Variants in XPR1 observed in about 807,000 individuals in gnomAD.
XPR1 encodes solute carrier family 53 member 1.
XPR1 carries 28 observed loss-of-function variants against 87.5 expected under a neutral mutation model. The observed-to-expected ratio is 0.32, with a 90% CI of 0.24 to 0.44. The LOEUF is 0.44. Among genes scored for constraint, XPR1 ranks in the 20% least tolerant of loss-of-function variants. XPR1 has a pLI of 1.00. For missense variants in XPR1, 559 were observed against 862.3 expected (o/e 0.65, Z 4.41); for synonymous variants, 300 against 306.1 (o/e 0.98, Z 0.21).
intron 2 of XPR1, among the ~76,000 whole-genome samples, chr1:180,757,220 A>G (rs1647782460): frequency 6.6e-6 from 1 of 152,240 alleles, no homozygotes; most frequent in South Asian, 2.1e-4. Context: ...AACAATAAGT[A>G]AGAAAGTATG....
At chr1:180,748,624 G>A (rs562161886) in intron 2 of XPR1, among the ~76,000 whole-genome samples, 345 of 151,784 alleles carry the variant, frequency 2.3e-3, no homozygotes, top group Non-Finnish European at 4.3e-3. Flanking sequence ...CTCCATGTTG[G>A]TCAGGCTGGC....
chr1:180,825,024 C>A, intron 8 of XPR1, 81 bp downstream of exon 8: 1 of 1,506,786 alleles, frequency 6.6e-7, no homozygotes, highest in South Asian at 1.3e-5. Flanking sequence ...GTACTTAAAT[C>A]CATCCTCTAC....
At chr1:180,853,430 A>G (rs1361048244) in intron 11 of XPR1, among the ~76,000 whole-genome samples, 1 of 151,716 alleles carries the variant, frequency 6.6e-6, no homozygotes, top group Non-Finnish European at 1.5e-5. Context: ...CTTTGGTGAG[A>G]CTGTTTCTTT....
At chr1:180,760,231 C>G (rs1647958109) in intron 2 of XPR1, among the ~76,000 whole-genome samples, 1 of 152,146 alleles carries the variant, frequency 6.6e-6, no homozygotes, top group Admixed American at 6.5e-5. Context: ...TCTTACCGCT[C>G]CTATTCAACA....
chr1:180,633,448 A>G (rs537561945), intron 1 of XPR1, among the ~76,000 whole-genome samples: 3 of 152,360 alleles, frequency 2.0e-5, no homozygotes, highest in Admixed American at 6.5e-5. Flanking sequence ...TAATTTTTAT[A>G]TAAGTTTAGT....
chr1:180,760,882 T>G (rs1044843259), intron 2 of XPR1, among the ~76,000 whole-genome samples: 17 of 152,214 alleles, frequency 1.1e-4, no homozygotes, highest in Non-Finnish European at 2.4e-4. Context: ...AAGGCTACAG[T>G]AACCAAAACA....
Position 180,887,727 on chromosome 1 carries a change from C to T in XPR1, c.*3661C>T, listed in dbSNP as rs1184753639. The T allele has an allele frequency of 6.6e-6, 1 of 152,156 alleles. No individual in the cohort carries two copies. Among genetic ancestry groups the T allele is most frequent in the East Asian group, 1.9e-4 (1 of 5,202 alleles). 9.4% of individuals were successfully genotyped at this position (152,156 alleles called of 1,614,324 possible). A position where few individuals can be genotyped will look rare whatever the true frequency, so the allele number is the denominator to read the frequency against. On this transcript the variant is annotated 3_prime_UTR_variant, in exon 15 of 15. Coordinates refer to ENST00000367590, the MANE Select transcript of XPR1 (RefSeq NM_004736.4). ...AACCGTTTAAAGAAGGAAAATGGGC[C>T]CCAGCCCCTAGGATCCCTGACTTCC...
At chr1:180,741,766 C>T (rs567965466) in intron 2 of XPR1, among the ~76,000 whole-genome samples, 17 of 152,228 alleles carry the variant, frequency 1.1e-4, no homozygotes, top group East Asian at 1.9e-4. Flanking sequence ...GTATTACAGG[C>T]GTGAGCCACC....
chr1:180,731,608 C>T (rs1030107409), intron 2 of XPR1, among the ~76,000 whole-genome samples: 2 of 152,114 alleles, frequency 1.3e-5, no homozygotes, highest in African/African-American at 4.8e-5. Flanking sequence ...TCCAAAAGAA[C>T]AGTCTGTGGG....
At chr1:180,667,122 A>G (rs780472001) in intron 1 of XPR1, among the ~76,000 whole-genome samples, 2 of 152,030 alleles carry the variant, frequency 1.3e-5, no homozygotes, top group South Asian at 2.1e-4. Flanking sequence ...ATTATGTTGC[A>G]TGGCCTGGTC....
intron 3 of XPR1, among the ~76,000 whole-genome samples, chr1:180,796,176 C>T (rs947045256): frequency 2.6e-5 from 4 of 151,834 alleles, no homozygotes; most frequent in South Asian, 2.1e-4. Flanking sequence ...TTTATATATA[C>T]ACACACACAC....
At chr1:180,863,119 C>T (rs1220946391) in intron 11 of XPR1, among the ~76,000 whole-genome samples, 1 of 152,080 alleles carries the variant, frequency 6.6e-6, no homozygotes, top group Non-Finnish European at 1.5e-5. Flanking sequence ...AAATATCATA[C>T]TTTGCTTTGT....
At chr1:180,866,418 A>G (rs1176354287) in intron 12 of XPR1, among the ~76,000 whole-genome samples, 1 of 152,234 alleles carries the variant, frequency 6.6e-6, no homozygotes, top group Non-Finnish European at 1.5e-5. Flanking sequence ...TCCCAGGTCC[A>G]GGAACAATTT....
At position 180,825,204 on chromosome 1, in the gene XPR1, C is replaced by T; in HGVS notation, c.994C>T (p.Leu332=). The T allele has an allele frequency of 1.2e-6, 2 of 1,613,810 alleles. No individual in the cohort carries two copies. The highest frequency in any genetic ancestry group is 1.7e-6 in the Non-Finnish European group (2 of 1,179,870). Residue 332 remains leucine (L), a synonymous_variant, in exon 9 of 15, where the codon CTG becomes TTG. Coordinates refer to ENST00000367590, the MANE Select transcript of XPR1 (RefSeq NM_004736.4). ...CGGGATATTGTGGTGCCTGAGCCTT[C>T]TGGCATGCTTCTTTGCTCCAATTAG... is the stretch of plus-strand genomic sequence containing the variant. The part of the protein sequence containing the change: ...FLGILWCLSL[L]ACFFAPISVI...
At chr1:180,717,579 C>T (rs1205373984) in intron 2 of XPR1, among the ~76,000 whole-genome samples, 2 of 152,064 alleles carry the variant, frequency 1.3e-5, no homozygotes, top group Non-Finnish European at 2.9e-5. Flanking sequence ...CAGTCTATAT[C>T]TCCTACATCA....
chr1:180,762,382 G>A (rs1470765528), intron 2 of XPR1, among the ~76,000 whole-genome samples: 5 of 152,240 alleles, frequency 3.3e-5, no homozygotes, highest in South Asian at 4.1e-4. Flanking sequence ...TGTGGTGAAC[G>A]TTATGAACAG....
At position 180,805,962 on chromosome 1, in the gene XPR1, T is replaced by C. The variant is rs761679107; in HGVS notation, c.448-100T>C. 73 of 1,311,460 alleles carry C rather than the reference T, an allele frequency of 5.6e-5. 2 individuals are homozygous for C. Among genetic ancestry groups the C allele is most frequent in the Admixed American group, 2.6e-5 (1 of 37,982 alleles). The allele number at this position is 1,311,460 out of a possible 1,614,324, so 81.2% of individuals were successfully genotyped here. A position where few individuals can be genotyped will look rare whatever the true frequency, so the allele number is the denominator to read the frequency against. On this transcript the variant is annotated intron_variant, in intron 4 of 14. Coordinates refer to ENST00000367590, the MANE Select transcript of XPR1 (RefSeq NM_004736.4). The stretch of plus-strand genomic sequence containing the variant: ...CTTTGCCATTTCCTAGAGTACTTAA[T>C]CTTTGTCCAGCCAGCTCTGTCAGTG...
At chr1:180,686,706 C>T (rs1656792194) in intron 2 of XPR1, among the ~76,000 whole-genome samples, 1 of 152,014 alleles carries the variant, frequency 6.6e-6, no homozygotes, top group African/African-American at 2.4e-5. Flanking sequence ...AGAATAATAC[C>T]TTTATAAGAC....
intron 11 of XPR1, among the ~76,000 whole-genome samples, chr1:180,841,295 A>G (rs1651506095): frequency 6.6e-6 from 1 of 151,884 alleles, no homozygotes; most frequent in Non-Finnish European, 1.5e-5. Context: ...TTACCCTGTT[A>G]TGTGCCTTGC....
Sources: gnomAD v4.1 joint callset for allele counts (sites outside exome capture counted in the v4.1 genomes callset) on GRCh38, gnomAD v4.1.1 for gene constraint, MANE v1.5 for transcripts, NCBI Gene and HGNC (gene_info 2026-07-23, HGNC 2026-07-21) for gene names.